CECR2: variants seen among roughly 807,000 people sequenced by gnomAD.
CECR2 encodes the protein chromatin remodeling regulator CECR2.
A neutral mutation model predicts 154.5 loss-of-function variants in CECR2; 30 were observed. That is an observed-to-expected ratio of 0.19 (90% confidence interval 0.15 to 0.26). The LOEUF (loss-of-function observed/expected upper bound fraction) is 0.26. Ranked by LOEUF, CECR2 falls within the 10% of genes least tolerant of loss-of-function variation. The pLI is 1.00. For missense variants in CECR2, 1,743 were observed against 1,829.3 expected (o/e 0.95, Z 0.86); for synonymous variants, 725 against 683.7 (o/e 1.06, Z -0.94).
intron 1 of CECR2, among the ~76,000 whole-genome samples, chr22:17,468,777 A>T (rs555209656): frequency 1.3e-5 from 2 of 152,302 alleles, no homozygotes; most frequent in East Asian, 3.9e-4. Flanking sequence ...CTTAGTCCAT[A>T]CTGTTTTGCC....
chr22:17,442,672 C>T (rs777257947), intron 1 of CECR2, among the ~76,000 whole-genome samples: 1 of 152,144 alleles, frequency 6.6e-6, no homozygotes, highest in African/African-American at 2.4e-5. Context: ...CTCAGCCTCC[C>T]GAGTAGCTGG....
chr22:17,373,086 G>C, intron 1 of CECR2, among the ~76,000 whole-genome samples: 1 of 151,866 alleles, frequency 6.6e-6, no homozygotes, highest in East Asian at 1.9e-4. Flanking sequence ...TTTCTGAGAC[G>C]GAGTCTCACT....
intron 17 of CECR2, among the ~76,000 whole-genome samples, chr22:17,550,943 A>G (rs111511041): frequency 0.02 from 3,036 of 150,490 alleles, 85 homozygotes; most frequent in African/African-American, 0.07. Flanking sequence ...CTCTGTCTCA[A>G]AAAAAAAAAG....
chr22:17,524,477 T>G (rs1182478538), intron 9 of CECR2: 1 of 498,172 alleles, frequency 2.0e-6, no homozygotes. Context: ...ACTGCAAGCT[T>G]CACCTCCCGG....
intron 1 of CECR2, among the ~76,000 whole-genome samples, chr22:17,469,599 T>G (rs866355315): frequency 4.3e-5 from 6 of 138,234 alleles, no homozygotes; most frequent in African/African-American, 1.5e-4. Flanking sequence ...CATTGTTTTT[T>G]TTTTTTTTTT....
intron 7 of CECR2, among the ~76,000 whole-genome samples, chr22:17,511,428 C>G (rs1372715465): frequency 6.6e-5 from 10 of 152,166 alleles, no homozygotes; most frequent in Non-Finnish European, 1.3e-4. Context: ...CGGCGGCCCA[C>G]CTCCGGCTGC....
intron 9 of CECR2, among the ~76,000 whole-genome samples, chr22:17,536,592 C>CT (rs1229953081): frequency 6.6e-6 from 1 of 152,218 alleles, no homozygotes; most frequent in African/African-American, 2.4e-5. Context: ...CAGACCATTG[C>CT]TTGCATGGAT....
At chr22:17,546,358 C>T (rs940178749) in intron 16 of CECR2, among the ~76,000 whole-genome samples, 1 of 151,642 alleles carries the variant, frequency 6.6e-6, no homozygotes, top group South Asian at 2.1e-4. Context: ...TGGTGTCGGG[C>T]GCCTGTAGTC....
Position 17,495,861 on chromosome 22 carries a change from CAAAAA to C in CECR2, c.222-1522_222-1518del, listed in dbSNP as rs10558473. Among the ~76,000 whole-genome samples the C allele has an allele frequency of 6.1e-3, 411 of 67,228 alleles. 1 individual carries two copies. Among genetic ancestry groups the C allele is most frequent in the African/African-American group, 0.023 (388 of 16,616 alleles). 44.1% of individuals were successfully genotyped at this position (67,228 alleles called of 152,430 possible). A position where few individuals can be genotyped will look rare whatever the true frequency, so the allele number is the denominator to read the frequency against. On this transcript the variant is annotated intron_variant, in intron 2 of 18. Coordinates refer to ENST00000262608, the MANE Select transcript of CECR2 (RefSeq NM_001290047.2). Reference sequence around the variant, plus strand: ...TGGGTGACAGAGCAAGACTCTGTCTCAAAAAAAAAAAAAAAAAAAAAAAAGGTATT... The same window carrying C: ...TGGGTGACAGAGCAAGACTCTGTCTCAAAAAAAAAAAAAAAAAAAGGTATT...
At chr22:17,399,205 A>G (rs1366470346) in intron 1 of CECR2, among the ~76,000 whole-genome samples, 3 of 152,292 alleles carry the variant, frequency 2.0e-5, no homozygotes, top group African/African-American at 7.2e-5. Flanking sequence ...GGGACGCCAG[A>G]TGCCCATCCT....
chr22:17,473,543 C>T (rs752297520), intron 1 of CECR2, among the ~76,000 whole-genome samples: 16 of 151,856 alleles, frequency 1.1e-4, no homozygotes, highest in African/African-American at 3.4e-4. Context: ...GAATTTCTAT[C>T]GTTTAGAAAC....
intron 2 of CECR2, among the ~76,000 whole-genome samples, chr22:17,480,459 C>CACACACACACACACACAGAG (rs373106595): frequency 1.2e-3 from 169 of 143,834 alleles, no homozygotes; most frequent in Middle Eastern, 3.5e-3. Flanking sequence ...CACACACACA[C>CACACACACACACACACAGAG]AGAGAAAAGT....
rs1445744183 is a variant in CECR2, at chr22:17,499,403, T to C, written c.406-7T>C. ...TTCCCCAAACCCCTTTTCCGTGCTC[T>C]GTGTAGGGCCTGGATGCAGACAGTC... On this transcript the variant is annotated splice_region_variant and splice_polypyrimidine_tract_variant and intron_variant, in intron 3 of 18. Transcript: ENST00000262608. The C allele has an allele frequency of 6.2e-7, 1 of 1,606,220 alleles. No homozygotes were observed. Among genetic ancestry groups the C allele is most frequent in the Non-Finnish European group, 8.5e-7 (1 of 1,177,780 alleles).
Position 17,554,423 on chromosome 22 carries a change from A to G in CECR2, c.*1583A>G, listed in dbSNP as rs1474676417. The G allele has an allele frequency of 6.6e-6, 1 of 152,174 alleles. No individual in the cohort carries two copies. Among genetic ancestry groups the G allele is most frequent in the Non-Finnish European group, 1.5e-5 (1 of 68,040 alleles). 9.4% of individuals were successfully genotyped at this position (152,174 alleles called of 1,614,324 possible). A position where few individuals can be genotyped will look rare whatever the true frequency, so the allele number is the denominator to read the frequency against. On this transcript the variant is annotated 3_prime_UTR_variant, in exon 19 of 19. Transcript: ENST00000262608. ...GTTTCCCTCCAATTCCAGGATTCCT[A>G]GTGAAGCATGGAACTGTCGTGTTTA...
At chr22:17,529,699 C>CAAAA (rs34980904) in intron 9 of CECR2, among the ~76,000 whole-genome samples, 1 of 100,524 alleles carries the variant, frequency 9.9e-6, no homozygotes, top group African/African-American at 3.8e-5. Context: ...GATTCCGTCT[C>CAAAA]AAAAAAAAAA....
intron 1 of CECR2, among the ~76,000 whole-genome samples, chr22:17,360,237 G>C (rs1006546522): frequency 6.6e-6 from 1 of 152,216 alleles, no homozygotes; most frequent in South Asian, 2.1e-4. Flanking sequence ...GCAGTGGCAC[G>C]TCTGCAGTCC....
chr22:17,428,131 C>G (rs780261325), intron 1 of CECR2: 1 of 152,128 alleles, frequency 6.6e-6, no homozygotes, highest in Non-Finnish European at 1.5e-5. Flanking sequence ...TCTTCTTTTG[C>G]GACGTGTCTG....
intron 18 of CECR2, 116 bp from the exon 19 acceptor site, chr22:17,552,719 C>T: frequency 1.0e-6 from 1 of 991,130 alleles, no homozygotes; most frequent in Non-Finnish European, 1.5e-6. Context: ...ACTGATGAAA[C>T]AGAATCAAGC....
intron 17 of CECR2, among the ~76,000 whole-genome samples, chr22:17,549,783 G>C (rs28507783): frequency 1.1e-5 from 1 of 88,856 alleles, no homozygotes; most frequent in Non-Finnish European, 2.1e-5. Context: ...CTAACTTTTT[G>C]GTTTTTTTTT....
Sources: allele counts gnomAD v4.1 joint callset (sites outside exome capture counted in the v4.1 genomes callset), GRCh38; gene constraint gnomAD v4.1.1; transcripts MANE v1.5; gene names NCBI Gene and HGNC (gene_info 2026-07-23, HGNC 2026-07-21).